Variants in TTC16 observed in about 807,000 individuals in gnomAD.
TTC16 encodes tetratricopeptide repeat protein 16.
TTC16 carries 66 observed loss-of-function variants against 80.4 expected under a neutral mutation model. The ratio of observed to expected loss-of-function variants is 0.82; its 90% confidence interval spans 0.67 to 1.01. The LOEUF is 1.01. Among genes scored for constraint, TTC16 ranks in the 50% least tolerant of loss-of-function variants. TTC16 has a pLI of 0.00. For missense variants in TTC16, 1,070 were observed against 1,103.2 expected (o/e 0.97, Z 0.43); for synonymous variants, 438 against 451.3 (o/e 0.97, Z 0.37).
chr9:127,716,273 C>A, intron 1 of TTC16, 110 bp downstream of exon 1: 1 of 1,504,808 alleles, frequency 6.6e-7, no homozygotes, highest in Non-Finnish European at 9.2e-7. Context: ...AGCAGTCCGA[C>A]TCAGGGAAGG....
chr9:127,727,405 C>A lies in TTC16; in HGVS notation c.1704C>A (p.Ser568Arg). Residue 568 changes from serine (S) to arginine (R), a missense_variant, in exon 12 of 14, where the codon AGC (serine) becomes AGA (arginine). Transcript: ENST00000373289. ...AGATTCCGCAGGTAAAACCGGGAAGCTCAGAGGGAGAGGCTGAGGCCCCTG... is the reference window on the plus strand; with the variant it reads ...AGATTCCGCAGGTAAAACCGGGAAGATCAGAGGGAGAGGCTGAGGCCCCTG... Reference protein sequence around the residue: ...TPEIPQVKPGSSEGEAEAPEE... With the variant: ...TPEIPQVKPGRSEGEAEAPEE... The A allele has an allele frequency of 6.2e-7, 1 of 1,610,670 alleles. No homozygotes were observed. Among genetic ancestry groups the A allele is most frequent in the South Asian group, 1.1e-5 (1 of 90,578 alleles).
chr9:127,729,437 C>A, intron 12 of TTC16, 144 bp from the exon 13 acceptor site: 2 of 652,688 alleles, frequency 3.1e-6, no homozygotes, highest in Non-Finnish European at 5.4e-6. Flanking sequence ...TCTGCGTGTC[C>A]CCACCCCACT....
At position 127,731,496 on chromosome 9, in the gene TTC16, G is replaced by C. The variant is rs1184707986; in HGVS notation, c.*91G>C. On this transcript the variant is annotated 3_prime_UTR_variant, in exon 14 of 14. Transcript: ENST00000373289. The stretch of plus-strand genomic sequence containing the variant: ...GCACTCAGCCAGCTGCCTCCTTCCA[G>C]AGCAATTAAAAGTCTTAGCAACAGT... 9.3e-6 allele frequency: 14 copies of C among 1,511,708 alleles called. No homozygotes were observed. Among genetic ancestry groups the C allele is most frequent in the African/African-American group, 1.4e-5 (1 of 71,642 alleles). The allele number at this position is 1,511,708 out of a possible 1,614,324, so 93.6% of individuals were successfully genotyped here. A position where few individuals can be genotyped will look rare whatever the true frequency, so the allele number is the denominator to read the frequency against.
intron 13 of TTC16, 91 bp downstream of exon 13, chr9:127,729,759 C>T: frequency 4.9e-6 from 6 of 1,224,718 alleles, no homozygotes; most frequent in Middle Eastern, 2.3e-4. Context: ...CCTAGGTGTG[C>T]GTTCGGCCCC....
chr9:127,726,869 T>C (rs1844019799), intron 10 of TTC16, 101 bp from the exon 11 acceptor site: 1 of 1,393,942 alleles, frequency 7.2e-7, no homozygotes, highest in Non-Finnish European at 9.9e-7. Flanking sequence ...TCTTCAGCCC[T>C]GGGAAGGGCC....
intron 12 of TTC16, chr9:127,728,735 CT>C (rs1844167375): frequency 6.6e-6 from 1 of 152,214 alleles, no homozygotes; most frequent in East Asian, 1.9e-4. Flanking sequence ...TCATTTGAGG[CT>C]GCAGTGAGCC....
chr9:127,716,509 C>A (rs1307693167), intron 1 of TTC16: 4 of 533,486 alleles, frequency 7.5e-6, no homozygotes, highest in Non-Finnish European at 1.3e-5. Flanking sequence ...AGACTTGGGA[C>A]CAGGCCTGAG....
rs779856824 is a variant in TTC16 at position 127,730,826 on chromosome 9, C to A, written c.2043C>A (p.Ser681Arg). The stretch of plus-strand genomic sequence containing the variant: ...AGGCCACCCAGGGCCAGAGGCAGAG[C>A]CTTAGCAAGACTGAGCCCACCCAGA... Reference protein sequence around the residue: ...KIKATQGQRQSLSKTEPTQSQ... With the variant: ...KIKATQGQRQRLSKTEPTQSQ... The change falls in exon 14 of 14, where the codon AGC (serine) becomes AGA (arginine). Residue 681 changes from serine (S) to arginine (R), a missense_variant. Physicochemically the swap from Ser to Arg is moderately radical, Grantham distance 110 (BLOSUM62 -1). Transcript: ENST00000373289. The A allele has an allele frequency of 6.8e-6, 11 of 1,612,000 alleles. No individual in the cohort carries two copies. The South Asian group carries it at 1.1e-4, about 16-fold the overall frequency.
At chr9:127,724,697 G>C in intron 8 of TTC16, 59 bp from the exon 9 acceptor site, 1 of 1,573,356 alleles carries the variant, frequency 6.4e-7, no homozygotes, top group Non-Finnish European at 8.6e-7. Context: ...AGCCGGCTGG[G>C]CTGGGGCTCC....
At position 127,726,270 on chromosome 9, in the gene TTC16, A is replaced by G; in HGVS notation, c.1291A>G (p.Thr431Ala). The G allele has an allele frequency of 3.1e-6, 5 of 1,603,000 alleles. No individual in the cohort carries two copies. The highest frequency in any genetic ancestry group is 4.3e-6 in the Non-Finnish European group (5 of 1,172,742). Residue 431 changes from threonine to alanine, a missense_variant, in exon 10 of 14, where the codon ACG becomes GCG. Thr to Ala is a moderately conservative substitution (Grantham distance 58). Coordinates refer to ENST00000373289, the MANE Select transcript of TTC16 (RefSeq NM_144965.3). ...QFQKAENHFS[T>A]AIRHNPQKAQ... ...CCAGAAGGCAGAGAACCACTTCTCCACGGCCATCCGGCACAACCCCCAGAA... is the reference window on the plus strand; with the variant it reads ...CCAGAAGGCAGAGAACCACTTCTCCGCGGCCATCCGGCACAACCCCCAGAA...
At position 127,723,322 on chromosome 9, in the gene TTC16, C is replaced by A; in HGVS notation, c.861C>A (p.Leu287=). Residue 287 remains leucine (L), a synonymous_variant, in exon 7 of 14, where the codon CTC becomes CTA. Transcript: ENST00000373289. The stretch of plus-strand genomic sequence containing the variant: ...AGAACAACCCTCTGGACCCCAGTCT[C>A]TTCCTCTTCCGGTACTGCATGGGAA... The part of the protein sequence containing the change: ...AIENNPLDPS[L]FLFRGTMYRR... 1.9e-6 allele frequency: 3 copies of A among 1,612,664 alleles called. No homozygotes were observed. The East Asian group carries it at 6.7e-5, about 36-fold the overall frequency.
Position 127,730,623 on chromosome 9 carries a change from AC to A in TTC16, c.1853-8del, listed in dbSNP as rs1844340199. The A allele has an allele frequency of 1.9e-6, 3 of 1,608,584 alleles. No homozygotes were observed. Among genetic ancestry groups the A allele is most frequent in the South Asian group, 1.1e-5 (1 of 90,934 alleles). ...GGCAGGCCTGATGGGTGCTTTTGGCACCCCCTTCCTAGTCAGGACCACAGGC... is the reference window on the plus strand; with the variant it reads ...GGCAGGCCTGATGGGTGCTTTTGGCACCCCTTCCTAGTCAGGACCACAGGC... On this transcript the variant is annotated splice_polypyrimidine_tract_variant and intron_variant, in intron 13 of 13. Transcript: ENST00000373289.
At chr9:127,727,744 C>T in intron 12 of TTC16, 1 of 426,674 alleles carries the variant, frequency 2.3e-6, no homozygotes, top group Non-Finnish European at 3.6e-6. Flanking sequence ...AGGCACTAGC[C>T]ACTTGCCACT....
chr9:127,717,849 C>G, intron 4 of TTC16, 77 bp downstream of exon 4: 1 of 1,516,758 alleles, frequency 6.6e-7, no homozygotes, highest in African/African-American at 1.4e-5. Context: ...CTGGGCCCAG[C>G]TCTGTCTCCT....
At chr9:127,724,057 C>T in intron 7 of TTC16, 63 bp from the exon 8 acceptor site, 1 of 1,471,054 alleles carries the variant, frequency 6.8e-7, no homozygotes, top group African/African-American at 1.4e-5. Context: ...GGCCACTAGC[C>T]AGTCGGTGGG....
intron 9 of TTC16, 148 bp from the exon 10 acceptor site, chr9:127,726,091 G>A (rs570410600): frequency 1.7e-4 from 83 of 502,072 alleles, no homozygotes; most frequent in African/African-American, 1.2e-3. Flanking sequence ...CATCAGGGAC[G>A]TACCTGATGG....
chr9:127,727,144 G>A (rs539580201), intron 11 of TTC16, 32 bp downstream of exon 11: 160 of 1,547,396 alleles, frequency 1.0e-4, no homozygotes, highest in Non-Finnish European at 8.6e-5. Flanking sequence ...ACAGGCCAGG[G>A]CTGGGGAATG....
chr9:127,731,366 T>C lies in TTC16; in HGVS notation c.2583T>C (p.Thr861=). The change falls in exon 14 of 14, where the codon ACT becomes ACC. Residue 861 remains threonine, a synonymous_variant. Coordinates refer to ENST00000373289, the MANE Select transcript of TTC16 (RefSeq NM_144965.3). ...TWGPSPSLSK[T]EVDQDLTYYE... ...GACCCAGCCCAAGTCTCAGCAAAACTGAGGTTGATCAGGACCTCACCTACT... is the reference window on the plus strand; with the variant it reads ...GACCCAGCCCAAGTCTCAGCAAAACCGAGGTTGATCAGGACCTCACCTACT... 1 of 1,612,890 alleles carries C rather than the reference T, an allele frequency of 6.2e-7. No homozygotes were observed. Among genetic ancestry groups the C allele is most frequent in the Non-Finnish European group, 8.5e-7 (1 of 1,180,010 alleles).
chr9:127,725,709 C>T (rs1047082541), intron 9 of TTC16, among the ~76,000 whole-genome samples: 18 of 151,918 alleles, frequency 1.2e-4, no homozygotes, highest in African/African-American at 3.1e-4. Flanking sequence ...AAGCAACTCT[C>T]CTGCCTTAGC....
Sources: gnomAD v4.1 joint callset for allele counts (sites outside exome capture counted in the v4.1 genomes callset) on GRCh38, gnomAD v4.1.1 for gene constraint, MANE v1.5 for transcripts, NCBI Gene and HGNC (gene_info 2026-07-23, HGNC 2026-07-21) for gene names.